The following MATN2 variants were observed in gnomAD, a reference collection of about 807,000 sequenced individuals.
MATN2 encodes matrilin 2.
MATN2 carries 69 observed loss-of-function variants against 103.2 expected under a neutral mutation model. That is an observed-to-expected ratio of 0.67 (90% confidence interval 0.55 to 0.82). The LOEUF is 0.82. Ranked by LOEUF, MATN2 falls within the 40% of genes least tolerant of loss-of-function variation. The probability of loss-of-function intolerance (pLI) is 0.00; values close to 1 mark genes in which losing one functional copy is unlikely to be tolerated. For synonymous variants in MATN2, 429 were observed against 450.2 expected, an observed-to-expected ratio of 0.95 and a Z score of 0.60; for missense variants, 1,023 against 1,211.5, an observed-to-expected ratio of 0.84 and a Z score of 2.31.
At chr8:97,993,675 C>A (rs998908148) in intron 6 of MATN2, among the ~76,000 whole-genome samples, 1 of 152,106 alleles carries the variant, frequency 6.6e-6, no homozygotes, top group African/African-American at 2.4e-5. Context: ...AATGAGGTAA[C>A]CAGGAGGTGT....
intron 6 of MATN2, among the ~76,000 whole-genome samples, chr8:97,987,871 T>C (rs1277552587): frequency 1.3e-5 from 2 of 152,002 alleles, no homozygotes; most frequent in African/African-American, 4.8e-5. Flanking sequence ...TCAATAGAGA[T>C]AATTGGTAAA....
intron 1 of MATN2, among the ~76,000 whole-genome samples, chr8:97,880,738 G>C (rs1043886740): frequency 6.6e-6 from 1 of 152,002 alleles, no homozygotes; most frequent in Non-Finnish European, 1.5e-5. Flanking sequence ...AACCCCATTG[G>C]TCTCTCTGAT....
chr8:97,871,234 G>A (rs1817886113), intron 1 of MATN2, among the ~76,000 whole-genome samples: 1 of 152,236 alleles, frequency 6.6e-6, no homozygotes, highest in South Asian at 2.1e-4. Context: ...GCCATTGGAG[G>A]TTCTGGAAAA....
At chr8:97,995,198 C>T (rs1353323490) in intron 7 of MATN2, among the ~76,000 whole-genome samples, 2 of 152,186 alleles carry the variant, frequency 1.3e-5, no homozygotes, top group Non-Finnish European at 2.9e-5. Context: ...CTGCTTAAGA[C>T]AAACCATTCC....
Position 97,992,856 on chromosome 8 carries a change from GTTGCAGTGAGCCTAGA to G in MATN2, c.1082-1619_1082-1604del, listed in dbSNP as rs534014314. ...AATTGCTTGAACCTGGGAGGTGGAGGTTGCAGTGAGCCTAGATTGCGACATTGCGCTTCAGCCTGGG... is the reference window on the plus strand; with the variant it reads ...AATTGCTTGAACCTGGGAGGTGGAGGTTGCGACATTGCGCTTCAGCCTGGG... On this transcript the variant is annotated intron_variant, in intron 6 of 18. Coordinates refer to ENST00000254898, the MANE Select transcript of MATN2 (RefSeq NM_002380.5). 3.2e-3 allele frequency among the ~76,000 whole-genome samples: 485 copies of G among 151,492 alleles called. 4 individuals carry two copies. The highest frequency in any genetic ancestry group is 0.011 in the African/African-American group (435 of 41,350).
chr8:97,941,995 C>A, intron 4 of MATN2, 96 bp downstream of exon 4: 2 of 1,443,658 alleles, frequency 1.4e-6, no homozygotes, highest in Admixed American at 1.8e-5. Flanking sequence ...TGTGATGCCT[C>A]ACCCACCCCA....
At chr8:97,926,877 CTG>C (rs1033103985) in intron 2 of MATN2, among the ~76,000 whole-genome samples, 1 of 152,232 alleles carries the variant, frequency 6.6e-6, no homozygotes, top group Non-Finnish European at 1.5e-5. Context: ...TGAAGACTTT[CTG>C]TGTTTCCAAC....
Position 98,027,914 on chromosome 8 carries a change from T to G in MATN2, c.2356+85T>G, listed in dbSNP as rs533580242. 6 of 1,397,752 alleles carry G rather than the reference T, an allele frequency of 4.3e-6. No homozygotes were observed. The African/African-American group carries it at 8.6e-5, about 20-fold the overall frequency. The allele number at this position is 1,397,752 out of a possible 1,614,324, so 86.6% of individuals were successfully genotyped here. Reference sequence around the variant, plus strand: ...CAGTGGTCTCAGCTGGCCATAAGGGTAAGCTTCTTTGAGTGTACAGAAAGG... The same window carrying G: ...CAGTGGTCTCAGCTGGCCATAAGGGGAAGCTTCTTTGAGTGTACAGAAAGG... On this transcript the variant is annotated intron_variant, in intron 14 of 18. Coordinates refer to ENST00000254898, the MANE Select transcript of MATN2 (RefSeq NM_002380.5).
chr8:98,008,429 G>A (rs1010765775), intron 10 of MATN2, among the ~76,000 whole-genome samples: 8 of 152,182 alleles, frequency 5.3e-5, no homozygotes, highest in African/African-American at 1.9e-4. Context: ...TCTGGTTATA[G>A]GGCCAAGTTC....
At position 98,033,090 on chromosome 8, in the gene MATN2, A is replaced by C. The variant is rs775399927; in HGVS notation, c.2630A>C (p.Asn877Thr). The stretch of plus-strand genomic sequence containing the variant: ...ATCCAAGACCTACTTTCCTGTTCTA[A>C]TTTTGCAGTGCAACACAGATATCTG... The part of the protein sequence containing the change: ...INIQDLLSCS[N>T]FAVQHRYLFE... Residue 877 changes from asparagine to threonine, a missense_variant, in exon 17 of 19, where the codon AAT (asparagine) becomes ACT (threonine). Transcript: ENST00000254898. The C allele has an allele frequency of 1.9e-6, 3 of 1,611,970 alleles. No individual in the cohort carries two copies. Among genetic ancestry groups the C allele is most frequent in the East Asian group, 4.5e-5 (2 of 44,832 alleles).
intron 1 of MATN2, among the ~76,000 whole-genome samples, chr8:97,883,560 T>C (rs1394914547): frequency 6.7e-6 from 1 of 149,852 alleles, no homozygotes; most frequent in Non-Finnish European, 1.5e-5. Context: ...GCTAATTTTT[T>C]TTTTTTTTTT....
At chr8:97,998,437 G>T (rs1812670033) in intron 7 of MATN2, among the ~76,000 whole-genome samples, 1 of 149,426 alleles carries the variant, frequency 6.7e-6, no homozygotes, top group African/African-American at 2.5e-5. Flanking sequence ...CAGGAGAATG[G>T]CGTGAACCTG....
chr8:97,957,013 T>C (rs2130245084), intron 4 of MATN2, among the ~76,000 whole-genome samples: 1 of 152,324 alleles, frequency 6.6e-6, no homozygotes. Flanking sequence ...ACTGACCCTC[T>C]TATAATGGGG....
At chr8:97,914,829 G>T (rs747740329) in intron 2 of MATN2, among the ~76,000 whole-genome samples, 5 of 152,102 alleles carry the variant, frequency 3.3e-5, no homozygotes, top group Non-Finnish European at 7.3e-5. Flanking sequence ...TTACCTAAAT[G>T]CACACCCCAG....
At chr8:98,003,513 C>G (rs12680911) in intron 7 of MATN2, 148 bp from the exon 8 acceptor site, 1 of 783,484 alleles carries the variant, frequency 1.3e-6, no homozygotes, top group East Asian at 2.7e-5. Flanking sequence ...GGCTGGCAGA[C>G]AAACGAATGA....
At chr8:97,954,965 T>TA (rs1283667393) in intron 4 of MATN2, among the ~76,000 whole-genome samples, 1 of 152,120 alleles carries the variant, frequency 6.6e-6, no homozygotes, top group African/African-American at 2.4e-5. Flanking sequence ...AGGTGAGTAC[T>TA]AAAGGAGGTA....
intron 2 of MATN2, among the ~76,000 whole-genome samples, chr8:97,889,127 G>C (rs1033203177): frequency 7.2e-5 from 11 of 152,198 alleles, no homozygotes; most frequent in Non-Finnish European, 1.2e-4. Flanking sequence ...TTTATACCTT[G>C]TTGGCCAGCC....
At chr8:97,957,123 C>T (rs1315685991) in intron 4 of MATN2, among the ~76,000 whole-genome samples, 1 of 152,166 alleles carries the variant, frequency 6.6e-6, no homozygotes, top group East Asian at 1.9e-4. Context: ...GGGGAAGAAG[C>T]CTTAACTCCA....
intron 2 of MATN2, among the ~76,000 whole-genome samples, chr8:97,915,809 C>T (rs1038999452): frequency 6.6e-6 from 1 of 152,094 alleles, no homozygotes; most frequent in Non-Finnish European, 1.5e-5. Context: ...GCAGAAATTA[C>T]CTGTTTTGTT....
Sources: allele counts gnomAD v4.1 joint callset (sites outside exome capture counted in the v4.1 genomes callset), GRCh38; gene constraint gnomAD v4.1.1; transcripts MANE v1.5; gene names NCBI Gene and HGNC (gene_info 2026-07-23, HGNC 2026-07-21).